The following BMP1 variants were observed in gnomAD, a reference collection of about 807,000 sequenced individuals.
BMP1 encodes the protein bone morphogenetic protein 1, also known as mammalian tolloid protein.
Under a neutral mutation model 116.8 loss-of-function variants are expected in BMP1, and 63 were observed. The observed-to-expected ratio is 0.54, with a 90% CI of 0.44 to 0.67. The LOEUF is 0.67. BMP1 is among the 30% of genes least tolerant of loss of function. BMP1 has a pLI of 0.00. For synonymous variants in BMP1, 536 were observed against 533.4 expected, an observed-to-expected ratio of 1.00 and a Z score of -0.07; for missense variants, 1,183 against 1,358.9, an observed-to-expected ratio of 0.87 and a Z score of 2.04.
chr8:22,187,781 G>C (rs1362941882), intron 8 of BMP1, among the ~76,000 whole-genome samples: 1 of 152,038 alleles, frequency 6.6e-6, no homozygotes, highest in Non-Finnish European at 1.5e-5. Context: ...CATTCTACTA[G>C]CAAAGTTAAC....
At chr8:22,176,918 C>T in intron 4 of BMP1, 43 bp from the exon 5 acceptor site, 1 of 1,545,144 alleles carries the variant, frequency 6.5e-7, no homozygotes, top group Non-Finnish European at 8.8e-7. Context: ...GGATGCACTC[C>T]CCCAGCTCGG....
chr8:22,176,432 T>A, intron 3 of BMP1, 101 bp from the exon 4 acceptor site: 1 of 1,554,142 alleles, frequency 6.4e-7, no homozygotes, highest in East Asian at 2.3e-5. Context: ...CACATTCCTT[T>A]CCAGGCAGTC....
At chr8:22,166,077 T>C (rs1299656512) in intron 1 of BMP1, among the ~76,000 whole-genome samples, 1 of 151,948 alleles carries the variant, frequency 6.6e-6, no homozygotes, top group Non-Finnish European at 1.5e-5. Flanking sequence ...CCAGCCCAAG[T>C]GGAAGAAGAA....
In BMP1 at chr8:22,192,133, A is replaced by G. The variant is rs1828951392; in HGVS notation, c.1162A>G (p.Arg388Gly). The change falls in exon 9 of 20, where the codon AGG becomes GGG. Residue 388 changes from arginine to glycine, a missense_variant. This residue lies in a region of BMP1 where 956 missense variants were observed against 1,135.2 expected (regional missense o/e 0.84). Coordinates refer to ENST00000306385, the MANE Select transcript of BMP1 (RefSeq NM_006129.5). ...DYVEVRDGFW[R>G]KAPLRGRFCG... is the part of the protein sequence containing the mutation. The stretch of plus-strand genomic sequence containing the variant: ...TGTGGAGGTCCGAGATGGCTTCTGG[A>G]GGAAGGCGCCCCTCCGAGGTAACGG... 1.2e-6 allele frequency: 2 copies of G among 1,613,502 alleles called. No homozygotes were observed. Among genetic ancestry groups the G allele is most frequent in the Admixed American group, 1.7e-5 (1 of 59,988 alleles).
chr8:22,200,985 G>GCCCCCCCCCCCCCCCCC, intron 15 of BMP1: 1 of 314,830 alleles, frequency 3.2e-6, no homozygotes, highest in Non-Finnish European at 6.4e-6. Flanking sequence ...GTGTCCGCCT[G>GCCCCCCCCCCCCCCCCC]CCCTCCCGCC....
intron 8 of BMP1, 82 bp from the exon 9 acceptor site, chr8:22,191,967 G>A (rs1025452256): frequency 1.6e-5 from 20 of 1,289,058 alleles, no homozygotes; most frequent in Middle Eastern, 2.3e-4. Flanking sequence ...CGCGTAAGGC[G>A]GGCGGTGGTC....
intron 19 of BMP1, 89 bp downstream of exon 19, chr8:22,209,784 C>CG: frequency 6.9e-7 from 1 of 1,446,534 alleles, no homozygotes; most frequent in Non-Finnish European, 9.4e-7. Context: ...CAAGACCTAG[C>CG]GCCCACACAG....
chr8:22,194,262 G>C lies in BMP1; in HGVS notation c.1297+88G>C. On this transcript the variant is annotated intron_variant, in intron 10 of 19. Coordinates refer to ENST00000306385, the MANE Select transcript of BMP1 (RefSeq NM_006129.5). The surrounding 1 kb of genome is among the most constrained non-coding windows in gnomAD (Gnocchi z 4.5). ...CTCCCTCCTGGCACCTGAGGGGCAA[G>C]ATTGTGGGTTCCCAAGGGAAGAAGC... The C allele has an allele frequency of 6.7e-7, 1 of 1,491,930 alleles. No homozygotes were observed. Among genetic ancestry groups the C allele is most frequent in the Non-Finnish European group, 9.3e-7 (1 of 1,073,028 alleles). 92.4% of individuals were successfully genotyped at this position (1,491,930 alleles called of 1,614,324 possible).
At chr8:22,174,570 A>G (rs77534324) in intron 2 of BMP1, among the ~76,000 whole-genome samples, 1 of 151,308 alleles carries the variant, frequency 6.6e-6, no homozygotes, top group Non-Finnish European at 1.5e-5. Context: ...AGAGCACACA[A>G]ATAGCCCTCC....
chr8:22,180,324 A>T, intron 7 of BMP1, 44 bp from the exon 8 acceptor site: 2 of 1,513,774 alleles, frequency 1.3e-6, no homozygotes, highest in Non-Finnish European at 1.8e-6. Flanking sequence ...AGATGGGGGG[A>T]TTTGGCGCCT....
intron 19 of BMP1, among the ~76,000 whole-genome samples, chr8:22,211,371 T>C (rs1425157660): frequency 6.6e-6 from 1 of 152,236 alleles, no homozygotes; most frequent in African/African-American, 2.4e-5. Flanking sequence ...TTAGTAGTTA[T>C]AGCAGAGCTG....
chr8:22,195,566 C>T lies in BMP1; in HGVS notation c.1744C>T (p.Pro582Ser), dbSNP rs566435924. ...CSCDPGYELAPDKRRCEAACG... is the reference protein window; with the variant it reads ...CSCDPGYELASDKRRCEAACG... ...CTGTGACCCCGGGTACGAGCTGGCC[C>T]CAGACAAGCGCCGCTGTGAGGGTGA... is the stretch of plus-strand genomic sequence containing the variant. The change falls in exon 13 of 20, where the codon CCA becomes TCA. Residue 582 changes from proline (P) to serine (S), a missense_variant. Pro to Ser is a moderately conservative substitution (Grantham distance 74). This residue lies in a region of BMP1 where 956 missense variants were observed against 1,135.2 expected (regional missense o/e 0.84). Transcript: ENST00000306385. The T allele has an allele frequency of 1.9e-6, 3 of 1,612,434 alleles. No homozygotes were observed. In the African/African-American group the frequency reaches 4.0e-5, roughly 22 times the overall value.
chr8:22,181,629 T>C (rs1291282537), intron 8 of BMP1, among the ~76,000 whole-genome samples: 1 of 151,862 alleles, frequency 6.6e-6, no homozygotes, highest in African/African-American at 2.4e-5. Flanking sequence ...CTCAGCTCAC[T>C]GCAACCTCTG....
chr8:22,194,214 G>A lies in BMP1; in HGVS notation c.1297+40G>A, dbSNP rs751369152. ...GGCGGGCGGGAGGAGTCAGATAGGA[G>A]GTCTCTGGGCATGGTAAAACAACTC... is the stretch of plus-strand genomic sequence containing the variant. On this transcript the variant is annotated intron_variant, in intron 10 of 19. Coordinates refer to ENST00000306385, the MANE Select transcript of BMP1 (RefSeq NM_006129.5). This position sits in a 1 kb window ranked among gnomAD's most constrained non-coding sequence, Gnocchi z 4.5. The A allele has an allele frequency of 1.1e-5, 17 of 1,584,058 alleles. No homozygotes were observed. The African/African-American group carries it at 2.2e-4, about 20-fold the overall frequency.
At chr8:22,195,648 G>A in intron 13 of BMP1, 61 bp downstream of exon 13, 1 of 1,561,332 alleles carries the variant, frequency 6.4e-7, no homozygotes, top group South Asian at 1.2e-5. Flanking sequence ...CACCTGCCCA[G>A]AATTTTTTTT....
intron 8 of BMP1, among the ~76,000 whole-genome samples, chr8:22,188,659 A>G (rs1008576776): frequency 1.3e-5 from 2 of 152,354 alleles, no homozygotes; most frequent in East Asian, 1.9e-4. Flanking sequence ...TGGTCTCAGT[A>G]TAGCCATCAC....
At chr8:22,190,318 A>G (rs1220631290) in intron 8 of BMP1, among the ~76,000 whole-genome samples, 4 of 152,082 alleles carry the variant, frequency 2.6e-5, no homozygotes, top group African/African-American at 9.7e-5. Flanking sequence ...AGTTAAACTC[A>G]TATATGAATT....
At chr8:22,182,952 C>T (rs1443840230) in intron 8 of BMP1, among the ~76,000 whole-genome samples, 2 of 152,230 alleles carry the variant, frequency 1.3e-5, no homozygotes, top group Non-Finnish European at 2.9e-5. Flanking sequence ...TATTGAGCTT[C>T]TATTTCCTTT....
At chr8:22,196,435 G>A (rs1829093566) in intron 13 of BMP1, 1 of 610,404 alleles carries the variant, frequency 1.6e-6, no homozygotes, top group Non-Finnish European at 2.9e-6. Flanking sequence ...CATTTGCAGA[G>A]AAGATAGAAA....
Sources: gnomAD v4.1 joint callset for allele counts (sites outside exome capture counted in the v4.1 genomes callset) on GRCh38, gnomAD v4.1.1 for gene constraint, gnomAD v4.1.1 regional missense constraint, Gnocchi (gnomAD v3.1) non-coding constraint, MANE v1.5 for transcripts, NCBI Gene and HGNC (gene_info 2026-07-23, HGNC 2026-07-21) for gene names.